SERPIND1: variants seen among roughly 807,000 people sequenced by gnomAD.
The protein encoded by SERPIND1 is heparin cofactor 2.
SERPIND1 carries 34 observed loss-of-function variants against 35.0 expected under a neutral mutation model. The observed-to-expected ratio is 0.97, with a 90% CI of 0.74 to 1.29. The LOEUF is 1.29. Ranked by LOEUF, SERPIND1 falls within the 50% of genes most tolerant of loss-of-function variation. SERPIND1 has a pLI of 0.00. For synonymous variants in SERPIND1, 236 were observed against 241.1 expected (o/e 0.98, Z 0.19); for missense variants, 633 against 637.7 (o/e 0.99, Z 0.08).
In SERPIND1 at chr22:20,779,293, C is replaced by T; in HGVS notation, c.-16-4C>T. On this transcript the variant is annotated splice_region_variant and splice_polypyrimidine_tract_variant and intron_variant, in intron 1 of 4. Transcript: ENST00000215727. ...CTTTCACTGTGTTCTGTTTTCCCTC[C>T]CAGCTTTAGCTCCGCCAAAATGAAA... 2 of 1,614,038 alleles carry T rather than the reference C, an allele frequency of 1.2e-6. No homozygotes were observed. The highest frequency in any genetic ancestry group is 8.5e-7 in the Non-Finnish European group (1 of 1,180,052).
chr22:20,782,900 G>A (rs1452810188), intron 2 of SERPIND1, among the ~76,000 whole-genome samples: 2 of 152,188 alleles, frequency 1.3e-5, no homozygotes, highest in Non-Finnish European at 2.9e-5. Flanking sequence ...GGCAGGAGCT[G>A]TCTGGTACTT....
At chr22:20,775,187 T>C (rs981962319) in intron 1 of SERPIND1, among the ~76,000 whole-genome samples, 14 of 151,848 alleles carry the variant, frequency 9.2e-5, no homozygotes, top group Non-Finnish European at 1.8e-4. Flanking sequence ...CAATATGAAG[T>C]TCCCAGGAAA....
At chr22:20,783,786 C>A (rs1392673193) in intron 2 of SERPIND1, among the ~76,000 whole-genome samples, 186 bp from the exon 3 acceptor site, 1 of 152,138 alleles carries the variant, frequency 6.6e-6, no homozygotes, top group African/African-American at 2.4e-5. Flanking sequence ...GGTAACCTCT[C>A]GTTAACCTCT....
chr22:20,774,987 C>T (rs982443699), intron 1 of SERPIND1, among the ~76,000 whole-genome samples: 4 of 152,092 alleles, frequency 2.6e-5, no homozygotes, highest in African/African-American at 9.7e-5. Flanking sequence ...ATTCTTTCAA[C>T]ATTTTTGGAA....
At chr22:20,776,365 T>A (rs1236759279) in intron 1 of SERPIND1, among the ~76,000 whole-genome samples, 1 of 152,146 alleles carries the variant, frequency 6.6e-6, no homozygotes, top group Non-Finnish European at 1.5e-5. Context: ...AGAAACTGTT[T>A]TCCCGTGTGT....
intron 1 of SERPIND1, among the ~76,000 whole-genome samples, chr22:20,775,827 A>G (rs957571042): frequency 2.6e-5 from 4 of 152,072 alleles, no homozygotes; most frequent in Admixed American, 2.0e-4. Flanking sequence ...CCAAGAAGTG[A>G]TAAGAGGAGG....
At chr22:20,784,418 T>C (rs1934045371) in intron 3 of SERPIND1, among the ~76,000 whole-genome samples, 173 bp downstream of exon 3, 1 of 152,122 alleles carries the variant, frequency 6.6e-6, no homozygotes. Flanking sequence ...AGATAAGAGA[T>C]GATTAGAGAG....
chr22:20,786,180 C>T (rs946447294), intron 4 of SERPIND1, 32 bp downstream of exon 4: 14 of 1,612,362 alleles, frequency 8.7e-6, no homozygotes, highest in Non-Finnish European at 1.2e-5. Context: ...CCCGACCCGT[C>T]CCCAGGGTCT....
Position 20,786,834 on chromosome 22 carries a change from G to T in SERPIND1, c.1309-41G>T, listed in dbSNP as rs544448025. ...TGTGCTGGGAACTCTAGCCCTCTGT[G>T]TGCTGACCTCCAGAATCTGACAACT... On this transcript the variant is annotated intron_variant, in intron 4 of 4. Transcript: ENST00000215727. The T allele has an allele frequency of 1.1e-5, 18 of 1,596,444 alleles. No individual in the cohort carries two copies. The Admixed American group carries it at 2.0e-4, about 18-fold the overall frequency.
At position 20,784,236 on chromosome 22, in the gene SERPIND1, TGACA is replaced by T. The variant is rs763066004; in HGVS notation, c.1155_1158del (p.Met385IlefsTer20). ...GTGGTGGAGAGATGGCAAAAAAGCATGACAAACAGGTATTTCACACTGTGTGTTT... is the reference window on the plus strand; with the variant it reads ...GTGGTGGAGAGATGGCAAAAAAGCATAACAGGTATTTCACACTGTGTGTTT... On this transcript the variant is annotated frameshift_variant, in exon 3 of 5. Transcript: ENST00000215727. LOFTEE classifies it high-confidence loss of function. 1.9e-6 allele frequency: 3 copies of T among 1,614,144 alleles called. No homozygotes were observed. Among genetic ancestry groups the T allele is most frequent in the Non-Finnish European group, 2.5e-6 (3 of 1,180,014 alleles).
In SERPIND1 at chr22:20,779,612, A is replaced by C. The variant is rs1046617828; in HGVS notation, c.300A>C (p.Ser100=). 4.3e-6 allele frequency: 7 copies of C among 1,614,104 alleles called. No individual in the cohort carries two copies. The highest frequency in any genetic ancestry group is 1.7e-5 in the Admixed American group (1 of 60,006). Residue 100 remains serine, a synonymous_variant, in exon 2 of 5, where the codon TCA becomes TCC. Transcript: ENST00000215727. ...DDYIDIVDSL[S]VSPTDSDVSA... ...ACATCGACATCGTCGACAGTCTGTC[A>C]GTTTCCCCGACAGACTCTGATGTGA... is the stretch of plus-strand genomic sequence containing the variant.
intron 1 of SERPIND1, among the ~76,000 whole-genome samples, chr22:20,776,804 G>A (rs752160711): frequency 6.6e-6 from 1 of 152,130 alleles, no homozygotes; most frequent in Non-Finnish European, 1.5e-5. Flanking sequence ...CTTATACAGC[G>A]TGTCAGGCAT....
At chr22:20,779,133 T>G in intron 1 of SERPIND1, 164 bp from the exon 2 acceptor site, 1 of 1,499,262 alleles carries the variant, frequency 6.7e-7, no homozygotes, top group Non-Finnish European at 8.9e-7. Flanking sequence ...TGGGTGTCTA[T>G]CTACATCAGA....
At chr22:20,774,989 T>A (rs1218933035) in intron 1 of SERPIND1, among the ~76,000 whole-genome samples, 1 of 152,160 alleles carries the variant, frequency 6.6e-6, no homozygotes, top group Non-Finnish European at 1.5e-5. Flanking sequence ...TCTTTCAACA[T>A]TTTTGGAAGT....
chr22:20,783,904 C>A, intron 2 of SERPIND1, 68 bp from the exon 3 acceptor site: 1 of 1,606,716 alleles, frequency 6.2e-7, no homozygotes, highest in East Asian at 2.2e-5. Context: ...ATCAGATTCA[C>A]TCTCAAGGGT....
At position 20,779,503 on chromosome 22, in the gene SERPIND1, C is replaced by A; in HGVS notation, c.191C>A (p.Thr64Asn). The change falls in exon 2 of 5, where the codon ACC becomes AAC. Residue 64 changes from threonine to asparagine, a missense_variant. Coordinates refer to ENST00000215727, the MANE Select transcript of SERPIND1 (RefSeq NM_000185.4). Reference sequence around the variant, plus strand: ...CCTGCCGACTTCCACAAGGAAAACACCGTCACCAACGACTGGATTCCAGAG... The same window carrying A: ...CCTGCCGACTTCCACAAGGAAAACAACGTCACCAACGACTGGATTCCAGAG... Reference protein sequence around the residue: ...LLPADFHKENTVTNDWIPEGE... With the variant: ...LLPADFHKENNVTNDWIPEGE... 6.2e-7 allele frequency: 1 copy of A among 1,614,104 alleles called. No homozygotes were observed. Among genetic ancestry groups the A allele is most frequent in the Non-Finnish European group, 8.5e-7 (1 of 1,179,942 alleles).
In SERPIND1 at chr22:20,779,849, G is replaced by A. The variant is rs369334872; in HGVS notation, c.537G>A (p.Ser179=). ...LKGETHEQVH[S]ILHFKDFVNA... is the part of the protein sequence containing the mutation. ...GAGAGACCCATGAACAAGTGCACTC[G>A]ATTTTGCATTTTAAAGACTTTGTTA... Residue 179 remains serine (S), a synonymous_variant, in exon 2 of 5, where the codon TCG becomes TCA. Coordinates refer to ENST00000215727, the MANE Select transcript of SERPIND1 (RefSeq NM_000185.4). 40 of 1,614,050 alleles carry A rather than the reference G, an allele frequency of 2.5e-5. No homozygotes were observed. Among genetic ancestry groups the A allele is most frequent in the Non-Finnish European group, 3.1e-5 (37 of 1,180,034 alleles).
At position 20,786,928 on chromosome 22, in the gene SERPIND1, T is replaced by C. The variant is rs886872206; in HGVS notation, c.1362T>C (p.Thr454=). The change falls in exon 5 of 5, where the codon ACT becomes ACC. Residue 454 remains threonine, a synonymous_variant. Transcript: ENST00000215727. ...TVNEEGTQAT[T]VTTVGFMPLS... is the part of the protein sequence containing the mutation. ...ACGAGGAAGGCACCCAAGCCACCAC[T>C]GTGACCACGGTGGGGTTCATGCCGC... 1.2e-6 allele frequency: 2 copies of C among 1,614,172 alleles called. No individual in the cohort carries two copies. Among genetic ancestry groups the C allele is most frequent in the Non-Finnish European group, 1.7e-6 (2 of 1,180,018 alleles).
rs1392481233 is a variant in SERPIND1, at chr22:20,780,195, T to C, written c.883T>C (p.Phe295Leu). 5 of 1,614,128 alleles carry C rather than the reference T, an allele frequency of 3.1e-6. No individual in the cohort carries two copies. The highest frequency in any genetic ancestry group is 4.2e-6 in the Non-Finnish European group (5 of 1,180,058). The change falls in exon 2 of 5, where the codon TTC becomes CTC. Residue 295 changes from phenylalanine to leucine, a missense_variant. Transcript: ENST00000215727. ...GATGATGATTCTCAACTGCATCTACTTCAAAGGTAAGAGGCACCTTTACAG... is the reference window on the plus strand; with the variant it reads ...GATGATGATTCTCAACTGCATCTACCTCAAAGGTAAGAGGCACCTTTACAG... ...TQMMILNCIY[F>L]KGSWVNKFPV...
Sources: allele counts gnomAD v4.1 joint callset (sites outside exome capture counted in the v4.1 genomes callset), GRCh38; gene constraint gnomAD v4.1.1; transcripts MANE v1.5; gene names NCBI Gene and HGNC (gene_info 2026-07-23, HGNC 2026-07-21).